Variants in DCDC1 observed in about 807,000 individuals in gnomAD.
The protein encoded by DCDC1 is doublecortin domain containing 1.
Under a neutral mutation model 178.3 loss-of-function variants are expected in DCDC1, and 200 were observed. The ratio of observed to expected loss-of-function variants is 1.12; its 90% confidence interval spans 1.00 to 1.26. The LOEUF is 1.26. Ranked by LOEUF, DCDC1 falls within the 50% of genes most tolerant of loss-of-function variation. DCDC1 has a pLI of 0.00. For synonymous variants in DCDC1, 690 were observed against 604.8 expected, an observed-to-expected ratio of 1.14 and a Z score of -2.07; for missense variants, 1,983 against 1,749.2, an observed-to-expected ratio of 1.13 and a Z score of -2.38.
chr11:31,034,999 C>T (rs1953931336), intron 20 of DCDC1, among the ~76,000 whole-genome samples: 2 of 152,060 alleles, frequency 1.3e-5, no homozygotes, highest in African/African-American at 4.8e-5. Context: ...CAAAAGTGCC[C>T]AGAAAAGTTC....
At chr11:31,190,410 T>C (rs1970001874) in intron 9 of DCDC1, among the ~76,000 whole-genome samples, 1 of 152,196 alleles carries the variant, frequency 6.6e-6, no homozygotes. Context: ...TTCAGGATCA[T>C]GTTAATCACT....
chr11:31,117,717 A>G (rs1960181862), intron 11 of DCDC1, among the ~76,000 whole-genome samples: 1 of 150,756 alleles, frequency 6.6e-6, no homozygotes, highest in Non-Finnish European at 1.5e-5. Context: ...AAAAAAAAAC[A>G]AAAAATCAAT....
chr11:30,904,564 C>T lies in DCDC1; in HGVS notation c.4308+397G>A, dbSNP rs546682240. ...AAACATCCTATCAACACATAAATGCCCAGATACTCCAGATGGTGAATGAGG... is the reference window on the plus strand; with the variant it reads ...AAACATCCTATCAACACATAAATGCTCAGATACTCCAGATGGTGAATGAGG... On this transcript the variant is annotated intron_variant, in intron 31 of 38. Transcript: ENST00000684477. 1.8e-4 allele frequency: 36 copies of T among 196,634 alleles called. No individual in the cohort carries two copies. The South Asian group carries it at 3.6e-3, about 20-fold the overall frequency. The allele number at this position is 196,634 out of a possible 1,614,324, so 12.2% of individuals were successfully genotyped here.
chr11:31,248,969 C>A (rs566302688), intron 8 of DCDC1, among the ~76,000 whole-genome samples: 1 of 152,014 alleles, frequency 6.6e-6, no homozygotes, highest in Non-Finnish European at 1.5e-5. Flanking sequence ...GCAATTATTA[C>A]AATATATTTC....
chr11:31,283,836 C>A (rs1234232322), intron 7 of DCDC1, among the ~76,000 whole-genome samples: 3 of 152,132 alleles, frequency 2.0e-5, no homozygotes, highest in African/African-American at 4.8e-5. Context: ...GAGAACTATT[C>A]TACAAATAGC....
chr11:31,216,875 G>A (rs1437218374), intron 9 of DCDC1, among the ~76,000 whole-genome samples: 1 of 152,180 alleles, frequency 6.6e-6, no homozygotes, highest in Non-Finnish European at 1.5e-5. Flanking sequence ...AATAGCCAGA[G>A]TAGTCTACAA....
chr11:31,161,267 C>T (rs769196377), intron 9 of DCDC1, among the ~76,000 whole-genome samples: 64 of 152,044 alleles, frequency 4.2e-4, no homozygotes, highest in Non-Finnish European at 5.0e-4. Flanking sequence ...GGAGTCAATG[C>T]GTAATTTCGA....
chr11:30,906,303 T>C, intron 30 of DCDC1: 1 of 419,454 alleles, frequency 2.4e-6, no homozygotes, highest in Non-Finnish European at 4.2e-6. Context: ...CAGTAAATGA[T>C]TAAAGCTGCA....
At position 31,360,587 on chromosome 11, in the gene DCDC1, ACT is replaced by A. The variant is rs1951657728; in HGVS notation, c.-125+9108_-125+9109del. Among the ~76,000 whole-genome samples, 3 of 152,264 alleles carry A rather than the reference ACT, an allele frequency of 2.0e-5. No individual in the cohort carries two copies. In the South Asian group the frequency reaches 6.2e-4, roughly 32 times the overall value. ...GAATATACTGTAATAAAGTTATGTG[ACT>A]CTGTTCTCTGTCTCAAAATATCTCA... On this transcript the variant is annotated intron_variant, in intron 1 of 38. Coordinates refer to ENST00000684477, the MANE Select transcript of DCDC1 (RefSeq NM_001387274.1).
At chr11:30,949,984 C>T (rs1461632149) in intron 21 of DCDC1, among the ~76,000 whole-genome samples, 1 of 151,960 alleles carries the variant, frequency 6.6e-6, no homozygotes, top group East Asian at 1.9e-4. Flanking sequence ...GTACCTGTAC[C>T]CCAGAACTTA....
At chr11:31,064,880 T>A in intron 19 of DCDC1, 139 bp downstream of exon 19, 1 of 568,012 alleles carries the variant, frequency 1.8e-6, no homozygotes. Context: ...TATTATATTA[T>A]GTGTATTATT....
At chr11:30,878,741 G>A in intron 37 of DCDC1, 30 bp from the exon 38 acceptor site, 1 of 1,531,572 alleles carries the variant, frequency 6.5e-7, no homozygotes, top group South Asian at 1.2e-5. Flanking sequence ...AAGAAGTTGA[G>A]AGACAAGTCA....
At chr11:31,201,778 T>C (rs1971315009) in intron 9 of DCDC1, among the ~76,000 whole-genome samples, 1 of 151,834 alleles carries the variant, frequency 6.6e-6, no homozygotes, top group Admixed American at 6.6e-5. Context: ...TTGAAAAGTA[T>C]GATATATGAC....
chr11:31,040,582 A>C (rs867343458), intron 20 of DCDC1, among the ~76,000 whole-genome samples: 1 of 152,202 alleles, frequency 6.6e-6, no homozygotes. Flanking sequence ...ATAGCCATAA[A>C]AGGTTCAAAT....
chr11:31,249,228 CA>C (rs1215125072), intron 8 of DCDC1, among the ~76,000 whole-genome samples: 1 of 152,066 alleles, frequency 6.6e-6, no homozygotes, highest in East Asian at 1.9e-4. Flanking sequence ...TTAAAGATTT[CA>C]ACAGGGAATT....
rs966526112 is a variant in DCDC1 at position 31,070,248 on chromosome 11, T to C, written c.2299-5095A>G. Among the ~76,000 whole-genome samples the C allele has an allele frequency of 5.3e-5, 8 of 152,240 alleles. No homozygotes were observed. The South Asian group carries it at 1.2e-3, about 24-fold the overall frequency. Reference sequence around the variant, plus strand: ...TCATCAGACCACCAATACAGACAATTCCTTCCTCCAAAATCGGAAACTCAA... The same window carrying C: ...TCATCAGACCACCAATACAGACAATCCCTTCCTCCAAAATCGGAAACTCAA... On this transcript the variant is annotated intron_variant, in intron 18 of 38. Transcript: ENST00000684477.
intron 9 of DCDC1, among the ~76,000 whole-genome samples, chr11:31,213,748 T>C (rs542302366): frequency 1.3e-5 from 2 of 151,430 alleles, no homozygotes; most frequent in South Asian, 2.1e-4. Flanking sequence ...AAAGTGGTCA[T>C]CTTCTACTAC....
At chr11:31,132,527 T>A (rs1559778) in intron 10 of DCDC1, among the ~76,000 whole-genome samples, 13,747 of 152,128 alleles carry the variant, frequency 0.09, 1,701 homozygotes, top group African/African-American at 0.28. Flanking sequence ...ATCCTTTTTT[T>A]TTCCTCTACA....
intron 10 of DCDC1, among the ~76,000 whole-genome samples, chr11:31,134,255 G>A (rs1962835193): frequency 6.6e-6 from 1 of 152,146 alleles, no homozygotes; most frequent in South Asian, 2.1e-4. Flanking sequence ...TATACCTATG[G>A]GGACAGCTAT....
Sources: allele counts gnomAD v4.1 joint callset (sites outside exome capture counted in the v4.1 genomes callset), GRCh38; gene constraint gnomAD v4.1.1; transcripts MANE v1.5; gene names NCBI Gene and HGNC (gene_info 2026-07-23, HGNC 2026-07-21).